Variants in RARB observed in about 807,000 individuals in gnomAD.
The protein encoded by RARB is retinoic acid receptor beta.
Under a neutral mutation model 51.9 loss-of-function variants are expected in RARB, and 17 were observed. The ratio of observed to expected loss-of-function variants is 0.33; its 90% CI spans 0.22 to 0.49. The LOEUF is 0.49. Among genes scored for constraint, RARB ranks in the 20% least tolerant of loss-of-function variants. The probability of loss-of-function intolerance (pLI) is 0.99; values close to 1 mark genes in which losing one functional copy is unlikely to be tolerated. For missense variants in RARB, 369 were observed against 550.8 expected (o/e 0.67, Z 3.30); for synonymous variants, 215 against 195.4 (o/e 1.10, Z -0.84).
chr3:25,251,755 A>T (rs1489095540), intron 5 of RARB, among the ~76,000 whole-genome samples: 2 of 152,010 alleles, frequency 1.3e-5, no homozygotes, highest in Non-Finnish European at 2.9e-5. Flanking sequence ...TACATCTTGA[A>T]TGAAGACCTT....
At chr3:24,922,848 C>T (rs531506036) in intron 2 of RARB, among the ~76,000 whole-genome samples, 1 of 152,164 alleles carries the variant, frequency 6.6e-6, no homozygotes, top group Non-Finnish European at 1.5e-5. Context: ...GGGAGGGTGT[C>T]TCAGGGTTAT....
At chr3:24,991,406 G>T (rs1696906495) in intron 2 of RARB, among the ~76,000 whole-genome samples, 1 of 149,374 alleles carries the variant, frequency 6.7e-6, no homozygotes, top group Non-Finnish European at 1.5e-5. Context: ...TCACTCCATT[G>T]CATTCCAGCC....
At chr3:25,465,773 G>A (rs924290081) in intron 2 of RARB, among the ~76,000 whole-genome samples, 2 of 152,120 alleles carry the variant, frequency 1.3e-5, no homozygotes, top group African/African-American at 4.8e-5. Flanking sequence ...TACACAAAAG[G>A]AATGTGCAGT....
At chr3:24,957,797 C>T (rs992601009) in intron 2 of RARB, among the ~76,000 whole-genome samples, 14 of 151,974 alleles carry the variant, frequency 9.2e-5, no homozygotes, top group Admixed American at 3.3e-4. Flanking sequence ...AGTTAGATCC[C>T]GTTAGAAAAG....
intron 5 of RARB, among the ~76,000 whole-genome samples, chr3:25,207,147 T>C (rs1701569462): frequency 6.6e-6 from 1 of 152,222 alleles, no homozygotes; most frequent in Non-Finnish European, 1.5e-5. Flanking sequence ...TCACTACTGC[T>C]TTTGATTGAA....
At chr3:25,316,824 G>A (rs143915383) in intron 5 of RARB, among the ~76,000 whole-genome samples, 21 of 152,222 alleles carry the variant, frequency 1.4e-4, no homozygotes, top group Non-Finnish European at 2.5e-4. Flanking sequence ...AAATGGAACC[G>A]ATGACTATAA....
At chr3:25,296,187 A>G (rs77949784) in intron 5 of RARB, among the ~76,000 whole-genome samples, 5,761 of 152,300 alleles carry the variant, frequency 0.038, 147 homozygotes, top group Middle Eastern at 0.068. Context: ...GTAAGAAGAC[A>G]CATACATCAT....
exon 5 of RARB, chr3:25,174,501 G>A: frequency 3.0e-6 from 4 of 1,352,124 alleles, no homozygotes; most frequent in Non-Finnish European, 3.9e-6. Context: ...GTCATCGGAG[G>A]ACTTTCCCTG....
At chr3:25,308,692 C>A (rs1704212040) in intron 5 of RARB, among the ~76,000 whole-genome samples, 1 of 152,218 alleles carries the variant, frequency 6.6e-6, no homozygotes, top group South Asian at 2.1e-4. Context: ...AAATGATCCA[C>A]CTGCCTCAGC....
chr3:25,491,864 C>G (rs767685277), intron 2 of RARB, among the ~76,000 whole-genome samples: 1 of 151,800 alleles, frequency 6.6e-6, no homozygotes, highest in Non-Finnish European at 1.5e-5. Flanking sequence ...TCGCTGGAAC[C>G]CAAGAAGCGG....
chr3:25,109,863 G>A (rs1195856505), intron 3 of RARB, among the ~76,000 whole-genome samples: 1 of 152,172 alleles, frequency 6.6e-6, no homozygotes, highest in Non-Finnish European at 1.5e-5. Flanking sequence ...CCTACCAGGT[G>A]GACTCCTTCA....
chr3:25,325,105 G>C (rs535217685), intron 5 of RARB, among the ~76,000 whole-genome samples: 2 of 152,100 alleles, frequency 1.3e-5, no homozygotes, highest in Non-Finnish European at 2.9e-5. Context: ...GCTAAACAAG[G>C]GGCGGCTTAT....
upstream of RARB, among the ~76,000 whole-genome samples, chr3:25,425,644 A>T (rs898736860): frequency 7.9e-5 from 12 of 152,216 alleles, no homozygotes; most frequent in Non-Finnish European, 1.5e-4. Flanking sequence ...TTTCTTGCAC[A>T]AAGAAAGAAA....
chr3:25,593,450 T>C, intron 5 of RARB, 53 bp from the exon 6 acceptor site: 1 of 1,504,134 alleles, frequency 6.6e-7, no homozygotes, highest in Non-Finnish European at 9.2e-7. Context: ...ATCTGATTGA[T>C]GATTTCAGGA....
intron 5 of RARB, among the ~76,000 whole-genome samples, chr3:25,198,360 T>A (rs1701298782): frequency 1.3e-5 from 2 of 152,028 alleles, no homozygotes; most frequent in East Asian, 1.9e-4. Context: ...GAAATTGATC[T>A]GGGCAAAGAT....
At chr3:24,973,859 T>G (rs1696452262) in intron 2 of RARB, among the ~76,000 whole-genome samples, 1 of 152,040 alleles carries the variant, frequency 6.6e-6, no homozygotes, top group African/African-American at 2.4e-5. Flanking sequence ...GGTGGAGCCT[T>G]TAGATTTTTT....
At chr3:24,918,745 G>C (rs1695157747) in intron 2 of RARB, among the ~76,000 whole-genome samples, 1 of 152,146 alleles carries the variant, frequency 6.6e-6, no homozygotes, top group African/African-American at 2.4e-5. Context: ...ATAAAAATTA[G>C]CTGGTCGTGG....
At chr3:25,531,777 AT>A (rs1323456047) in intron 3 of RARB, among the ~76,000 whole-genome samples, 1 of 151,692 alleles carries the variant, frequency 6.6e-6, no homozygotes, top group African/African-American at 2.4e-5. Context: ...AATTATAAAA[AT>A]TTTGTGTCAG....
intron 2 of RARB, among the ~76,000 whole-genome samples, chr3:25,046,820 A>G (rs923916252): frequency 6.6e-6 from 1 of 152,240 alleles, no homozygotes; most frequent in Non-Finnish European, 1.5e-5. Context: ...AATAGTTAAT[A>G]TATGAGTAAA....
Sources: allele counts gnomAD v4.1 joint callset (sites outside exome capture counted in the v4.1 genomes callset), GRCh38; gene constraint gnomAD v4.1.1; transcripts MANE v1.5; gene names NCBI Gene and HGNC (gene_info 2026-07-23, HGNC 2026-07-21).